LRMDA: variants seen among roughly 807,000 people sequenced by gnomAD.
The protein encoded by LRMDA is leucine rich melanocyte differentiation associated, also known as leucine-rich melanocyte differentiation-associated protein.
Under a neutral mutation model 29.8 loss-of-function variants are expected in LRMDA, and 18 were observed. That is an observed-to-expected ratio of 0.60 (90% CI 0.42 to 0.90). The LOEUF is 0.90. Ranked by LOEUF, LRMDA falls within the 40% of genes least tolerant of loss-of-function variation. The pLI is 0.00. For missense variants in LRMDA, 273 were observed against 273.9 expected, an observed-to-expected ratio of 1.00 and a Z score of 0.02; for synonymous variants, 125 against 109.4, an observed-to-expected ratio of 1.14 and a Z score of -0.89.
chr10:75,940,709 G>T (rs951978784), intron 2 of LRMDA, among the ~76,000 whole-genome samples: 5 of 152,058 alleles, frequency 3.3e-5, no homozygotes, highest in South Asian at 2.1e-4. Flanking sequence ...TGCTTAGTAG[G>T]TGCTTCATAA....
At chr10:75,980,723 G>T (rs1404836702) in intron 2 of LRMDA, among the ~76,000 whole-genome samples, 1 of 152,168 alleles carries the variant, frequency 6.6e-6, no homozygotes, top group Non-Finnish European at 1.5e-5. Flanking sequence ...CATCCTGAAA[G>T]AATTATTTCC....
At chr10:76,191,328 C>T (rs895343563) in intron 5 of LRMDA, among the ~76,000 whole-genome samples, 1 of 152,170 alleles carries the variant, frequency 6.6e-6, no homozygotes, top group Non-Finnish European at 1.5e-5. Context: ...AGTGTCCCCT[C>T]CCCATTTTCC....
chr10:76,127,261 C>T (rs148501336), intron 5 of LRMDA, among the ~76,000 whole-genome samples: 20 of 152,214 alleles, frequency 1.3e-4, no homozygotes, highest in East Asian at 3.9e-4. Flanking sequence ...CATATATGTG[C>T]GCAAATATTT....
chr10:75,546,957 G>T (rs1840088000), intron 2 of LRMDA, among the ~76,000 whole-genome samples: 1 of 152,182 alleles, frequency 6.6e-6, no homozygotes, highest in Non-Finnish European at 1.5e-5. Context: ...GGTTTAGATG[G>T]TTTGGGAAAG....
At chr10:76,361,385 T>C (rs1841311203) in intron 6 of LRMDA, among the ~76,000 whole-genome samples, 1 of 152,048 alleles carries the variant, frequency 6.6e-6, no homozygotes, top group African/African-American at 2.4e-5. Context: ...AGGACTCCAG[T>C]TCTGAATGAA....
At position 76,498,310 on chromosome 10, in the gene LRMDA, G is replaced by T. The variant is rs1487977562; in HGVS notation, c.602-58899G>T. 2.7e-5 allele frequency among the ~76,000 whole-genome samples: 2 copies of T among 75,418 alleles called. 1 individual carries two copies. Among genetic ancestry groups the T allele is most frequent in the Admixed American group, 2.5e-4 (2 of 8,126 alleles). The allele number at this position is 75,418 out of a possible 152,430, so 49.5% of individuals were successfully genotyped here. On this transcript the variant is annotated intron_variant, in intron 6 of 6. Coordinates refer to ENST00000611255, the MANE Select transcript of LRMDA (RefSeq NM_001305581.2). The stretch of plus-strand genomic sequence containing the variant: ...ATCCAAGCCAAACACTGTGTTAGGA[G>T]GTTCCTTAGATTAATGGCAGCCCTG...
At chr10:75,944,511 A>AT (rs931073958) in intron 2 of LRMDA, among the ~76,000 whole-genome samples, 17 of 150,676 alleles carry the variant, frequency 1.1e-4, no homozygotes, top group African/African-American at 3.7e-4. Context: ...GCTCCATTCT[A>AT]TTTTTTTCTC....
At chr10:75,915,581 G>T (rs1294481582) in intron 2 of LRMDA, among the ~76,000 whole-genome samples, 1 of 152,308 alleles carries the variant, frequency 6.6e-6, no homozygotes, top group Admixed American at 6.5e-5. Context: ...GAGAACTGAG[G>T]TTCAGAGAGG....
At chr10:75,847,012 G>T (rs1313810308) in intron 2 of LRMDA, among the ~76,000 whole-genome samples, 1 of 152,072 alleles carries the variant, frequency 6.6e-6, no homozygotes, top group Non-Finnish European at 1.5e-5. Flanking sequence ...CTATTCTAAA[G>T]TTCATGTGGA....
chr10:76,020,034 G>A (rs1205959109), intron 2 of LRMDA, among the ~76,000 whole-genome samples: 2 of 152,176 alleles, frequency 1.3e-5, no homozygotes, highest in Non-Finnish European at 2.9e-5. Context: ...GATAAGGGAG[G>A]GCTCTGTTCA....
Position 76,557,389 on chromosome 10 carries a change from C to A in LRMDA, c.*101C>A. 2.1e-6 allele frequency: 2 copies of A among 956,222 alleles called. No individual in the cohort carries two copies. The highest frequency in any genetic ancestry group is 1.5e-5 in the South Asian group (1 of 68,918). The allele number at this position is 956,222 out of a possible 1,614,324, so 59.2% of individuals were successfully genotyped here. A position where few individuals can be genotyped will look rare whatever the true frequency, so the allele number is the denominator to read the frequency against. Reference sequence around the variant, plus strand: ...AAGAAAAAACAATAGCCCACATTGCCTCTCTTTGGGAAAAGCTATGACTTC... The same window carrying A: ...AAGAAAAAACAATAGCCCACATTGCATCTCTTTGGGAAAAGCTATGACTTC... On this transcript the variant is annotated 3_prime_UTR_variant, in exon 7 of 7. Coordinates refer to ENST00000611255, the MANE Select transcript of LRMDA (RefSeq NM_001305581.2).
intron 2 of LRMDA, among the ~76,000 whole-genome samples, chr10:75,744,094 C>A (rs1441382724): frequency 6.6e-6 from 1 of 152,110 alleles, no homozygotes; most frequent in African/African-American, 2.4e-5. Context: ...GTGTTGGTGA[C>A]AATTAGGTTA....
chr10:75,902,670 A>C (rs1284104442), intron 2 of LRMDA, among the ~76,000 whole-genome samples: 1 of 152,134 alleles, frequency 6.6e-6, no homozygotes, highest in African/African-American at 2.4e-5. Flanking sequence ...TCAAATTTGT[A>C]ATGCATTAAT....
At chr10:76,369,885 G>T (rs1345572820) in intron 6 of LRMDA, among the ~76,000 whole-genome samples, 1 of 152,010 alleles carries the variant, frequency 6.6e-6, no homozygotes, top group Non-Finnish European at 1.5e-5. Context: ...TCCTTGCCTT[G>T]GTTCAACATA....
intron 2 of LRMDA, among the ~76,000 whole-genome samples, chr10:75,839,284 A>G (rs1336172495): frequency 3.3e-5 from 5 of 152,244 alleles, no homozygotes; most frequent in African/African-American, 1.2e-4. Flanking sequence ...AGAGTGGAGC[A>G]AACAGATGTT....
At chr10:76,257,779 T>C (rs775899291) in intron 5 of LRMDA, among the ~76,000 whole-genome samples, 33 of 152,362 alleles carry the variant, frequency 2.2e-4, no homozygotes, top group South Asian at 8.3e-4. Context: ...ATAAGAGTTA[T>C]ATATAAGGTC....
At chr10:76,251,922 G>A (rs762257397) in intron 5 of LRMDA, among the ~76,000 whole-genome samples, 2 of 152,140 alleles carry the variant, frequency 1.3e-5, no homozygotes, top group Admixed American at 6.5e-5. Context: ...CTGGTTCCCC[G>A]GCACTAGAAA....
chr10:76,139,034 C>T lies in LRMDA; in HGVS notation c.516+80251C>T, dbSNP rs79569044. ...AGTTTGGTGTGTTCATCTGCACCTC[C>T]AAAAAGCAAGCGGAGATAAACATGC... is the stretch of plus-strand genomic sequence containing the variant. On this transcript the variant is annotated intron_variant, in intron 5 of 6. Transcript: ENST00000611255. Among the ~76,000 whole-genome samples, 1,518 of 152,200 alleles carry T rather than the reference C, an allele frequency of 1.0e-2. 14 individuals carry two copies. Among genetic ancestry groups the T allele is most frequent in the South Asian group, 0.042 (203 of 4,822 alleles).
At chr10:76,451,137 T>C (rs1422000530) in intron 6 of LRMDA, among the ~76,000 whole-genome samples, 1 of 152,190 alleles carries the variant, frequency 6.6e-6, no homozygotes, top group Admixed American at 6.5e-5. Flanking sequence ...GATTCTACTC[T>C]TGAAGTTTGA....
Sources: gnomAD v4.1 joint callset for allele counts (sites outside exome capture counted in the v4.1 genomes callset) on GRCh38, gnomAD v4.1.1 for gene constraint, MANE v1.5 for transcripts, NCBI Gene and HGNC (gene_info 2026-07-23, HGNC 2026-07-21) for gene names.